VPS4B: variants seen among roughly 807,000 people sequenced by gnomAD.
VPS4B encodes vacuolar protein sorting-associated protein 4B.
Under a neutral mutation model 56.1 loss-of-function variants are expected in VPS4B, and 23 were observed. The ratio of observed to expected loss-of-function variants is 0.41; its 90% CI spans 0.30 to 0.58. The LOEUF (loss-of-function observed/expected upper bound fraction) is 0.58. Among genes scored for constraint, VPS4B ranks in the 20% least tolerant of loss-of-function variants. The probability of loss-of-function intolerance (pLI) is 0.29; values close to 1 mark genes in which losing one functional copy is unlikely to be tolerated. For synonymous variants in VPS4B, 177 were observed against 186.0 expected (o/e 0.95, Z 0.39); for missense variants, 372 against 531.9 (o/e 0.70, Z 2.96).
At chr18:63,412,341 A>C (rs1916062365) in intron 1 of VPS4B, among the ~76,000 whole-genome samples, 1 of 152,254 alleles carries the variant, frequency 6.6e-6, no homozygotes, top group Non-Finnish European at 1.5e-5. Context: ...CAGGAAAAAG[A>C]TGGGAAGGAA....
At chr18:63,410,468 GAT>G (rs1491323484) in intron 2 of VPS4B, 22 bp from the exon 3 acceptor site, 1 of 1,605,636 alleles carries the variant, frequency 6.2e-7, no homozygotes, top group African/African-American at 1.3e-5. Flanking sequence ...AAATGAGAGA[GAT>G]TTTTTTCCAT....
chr18:63,400,753 T>C (rs1599358702), intron 5 of VPS4B, 50 bp from the exon 6 acceptor site: 1 of 1,542,310 alleles, frequency 6.5e-7, no homozygotes, highest in Non-Finnish European at 8.8e-7. Context: ...CACTTAATTG[T>C]ATCATCTATA....
At chr18:63,393,062 GA>G (rs1049349011) in intron 10 of VPS4B, among the ~76,000 whole-genome samples, 13 of 151,610 alleles carry the variant, frequency 8.6e-5, no homozygotes, top group African/African-American at 2.4e-4. Context: ...AGATGCAGGG[GA>G]AAAAAAATAT....
chr18:63,391,833 T>C (rs1362905960), intron 10 of VPS4B, among the ~76,000 whole-genome samples: 1 of 152,166 alleles, frequency 6.6e-6, no homozygotes, highest in Non-Finnish European at 1.5e-5. Context: ...TTTAAAATAA[T>C]TAGTTACAAT....
rs556751431 is a variant in VPS4B at position 63,400,882 on chromosome 18, T to C, written c.485-179A>G. Among the ~76,000 whole-genome samples the C allele has an allele frequency of 7.9e-5, 12 of 152,372 alleles. No homozygotes were observed. The East Asian group carries it at 2.3e-3, about 29-fold the overall frequency. ...ATTTTGTTTCTTCTAGAGACTACTT[T>C]ATCAAAAAGAGACTTGCATAACATA... On this transcript the variant is annotated intron_variant, in intron 5 of 10. Coordinates refer to ENST00000238497, the MANE Select transcript of VPS4B (RefSeq NM_004869.4).
intron 1 of VPS4B, among the ~76,000 whole-genome samples, chr18:63,420,933 G>A (rs1362713345): frequency 1.3e-5 from 2 of 151,422 alleles, no homozygotes; most frequent in Non-Finnish European, 2.9e-5. Context: ...AGGTACTCAG[G>A]AGGCTGAGGC....
At chr18:63,412,899 C>T (rs1916076892) in intron 1 of VPS4B, among the ~76,000 whole-genome samples, 1 of 151,806 alleles carries the variant, frequency 6.6e-6, no homozygotes, top group Admixed American at 6.6e-5. Flanking sequence ...ACATCAAAAG[C>T]ATACTATATA....
intron 10 of VPS4B, among the ~76,000 whole-genome samples, chr18:63,392,670 G>C (rs1366634485): frequency 6.6e-6 from 1 of 151,540 alleles, no homozygotes; most frequent in Non-Finnish European, 1.5e-5. Flanking sequence ...GGATGGTCTC[G>C]ATCTCCTGAC....
chr18:63,413,659 G>C (rs993863764), intron 1 of VPS4B, among the ~76,000 whole-genome samples: 1 of 151,976 alleles, frequency 6.6e-6, no homozygotes, highest in African/African-American at 2.4e-5. Flanking sequence ...ATAGGTGCCA[G>C]TAAAAAAAAA....
Position 63,390,862 on chromosome 18 carries a change from T to C in VPS4B, c.*113A>G. On this transcript the variant is annotated 3_prime_UTR_variant, in exon 11 of 11. Transcript: ENST00000238497. ...CCTAATGGAACTCTGAAGTGAGATG[T>C]GTATTTCCCTGTGGTAAAAGAGTTT... The C allele has an allele frequency of 1.5e-6, 1 of 670,442 alleles. No homozygotes were observed. 41.5% of individuals were successfully genotyped at this position (670,442 alleles called of 1,614,324 possible).
Position 63,422,227 on chromosome 18 carries a change from T to G in VPS4B, c.27+6A>C. On this transcript the variant is annotated splice_donor_region_variant and intron_variant, in intron 1 of 10. Coordinates refer to ENST00000238497, the MANE Select transcript of VPS4B (RefSeq NM_004869.4). ...CCCTAGGGGGACGGGAGATGAGCAATGATACCTGGAGGTTGGGCGAAGTGG... is the reference window on the plus strand; with the variant it reads ...CCCTAGGGGGACGGGAGATGAGCAAGGATACCTGGAGGTTGGGCGAAGTGG... The G allele has an allele frequency of 6.6e-7, 1 of 1,511,466 alleles. No homozygotes were observed. The highest frequency in any genetic ancestry group is 8.9e-7 in the Non-Finnish European group (1 of 1,128,342). The allele number at this position is 1,511,466 out of a possible 1,614,324, so 93.6% of individuals were successfully genotyped here.
chr18:63,406,344 T>A (rs1277313656), intron 4 of VPS4B, among the ~76,000 whole-genome samples: 1 of 152,236 alleles, frequency 6.6e-6, no homozygotes, highest in Non-Finnish European at 1.5e-5. Flanking sequence ...ATCCTTACAG[T>A]GTTTTCCTAG....
At position 63,422,346 on chromosome 18, in the gene VPS4B, C is replaced by T; in HGVS notation, c.-87G>A. ...TCGAAGCGCGCACGGGGTAACAGCC[C>T]TCAAACTGGGGAGGCCGGTGGTTCT... On this transcript the variant is annotated 5_prime_UTR_variant, in exon 1 of 11. Coordinates refer to ENST00000238497, the MANE Select transcript of VPS4B (RefSeq NM_004869.4). 1 of 1,314,514 alleles carries T rather than the reference C, an allele frequency of 7.6e-7. No homozygotes were observed. Among genetic ancestry groups the T allele is most frequent in the South Asian group, 1.8e-5 (1 of 54,748 alleles). The allele number at this position is 1,314,514 out of a possible 1,614,324, so 81.4% of individuals were successfully genotyped here.
intron 5 of VPS4B, among the ~76,000 whole-genome samples, chr18:63,401,263 A>G (rs1410041663): frequency 6.6e-6 from 1 of 151,402 alleles, no homozygotes. Flanking sequence ...CTTTTATTTT[A>G]TTTTTTTTGA....
chr18:63,422,365 T>G lies in VPS4B; in HGVS notation c.-106A>C, dbSNP rs569064950. ...ACAGCCCTCAAACTGGGGAGGCCGG[T>G]GGTTCTCGGACCGCGAAGGGCAGCC... On this transcript the variant is annotated 5_prime_UTR_variant, in exon 1 of 11. Transcript: ENST00000238497. The G allele has an allele frequency of 1.2e-3, 1,404 of 1,160,848 alleles. 1 individual carries two copies. Among genetic ancestry groups the G allele is most frequent in the Non-Finnish European group, 1.5e-3 (1,331 of 873,746 alleles). 71.9% of individuals were successfully genotyped at this position (1,160,848 alleles called of 1,614,324 possible). A position where few individuals can be genotyped will look rare whatever the true frequency, so the allele number is the denominator to read the frequency against.
At position 63,421,580 on chromosome 18, in the gene VPS4B, G is replaced by A. The variant is rs147116775; in HGVS notation, c.27+653C>T. The stretch of plus-strand genomic sequence containing the variant: ...TTCTGAACGAATTCCATTCCACAGA[G>A]GACTAACGATTAAGCCTAAAATCTT... On this transcript the variant is annotated intron_variant, in intron 1 of 10. Transcript: ENST00000238497. Among the ~76,000 whole-genome samples, 203 of 152,306 alleles carry A rather than the reference G, an allele frequency of 1.3e-3. 1 individual carries two copies. Among genetic ancestry groups the A allele is most frequent in the African/African-American group, 4.7e-3 (197 of 41,572 alleles).
intron 1 of VPS4B, chr18:63,415,956 A>C: frequency 4.6e-6 from 1 of 218,220 alleles, no homozygotes; most frequent in South Asian, 7.9e-5. Context: ...AGAGCTTGGA[A>C]TGCTTAACAG....
chr18:63,404,738 C>T (rs980374055), intron 4 of VPS4B: 1 of 152,174 alleles, frequency 6.6e-6, no homozygotes, highest in African/African-American at 2.4e-5. Context: ...CAGAACACCA[C>T]CACTTATACA....
chr18:63,391,523 C>T (rs1457647252), intron 10 of VPS4B, among the ~76,000 whole-genome samples: 1 of 152,216 alleles, frequency 6.6e-6, no homozygotes, highest in Non-Finnish European at 1.5e-5. Context: ...GCCCCTGCAC[C>T]CGGCCCCTAT....
Sources: allele counts gnomAD v4.1 joint callset (sites outside exome capture counted in the v4.1 genomes callset), GRCh38; gene constraint gnomAD v4.1.1; transcripts MANE v1.5; gene names NCBI Gene and HGNC (gene_info 2026-07-23, HGNC 2026-07-21).